Variants in RAB11FIP4 observed in about 807,000 individuals in gnomAD.
RAB11FIP4 encodes the protein rab11 family-interacting protein 4.
Under a neutral mutation model 74.3 loss-of-function variants are expected in RAB11FIP4, and 23 were observed. The observed-to-expected ratio is 0.31, with a 90% CI of 0.22 to 0.44. The LOEUF is 0.44. Among genes scored for constraint, RAB11FIP4 ranks in the 20% least tolerant of loss-of-function variants. The pLI is 1.00. For missense variants in RAB11FIP4, 630 were observed against 863.9 expected, an observed-to-expected ratio of 0.73 and a Z score of 3.39; for synonymous variants, 360 against 359.9, an observed-to-expected ratio of 1.00 and a Z score of 0.00.
chr17:31,471,967 C>T (rs1279121517), intron 3 of RAB11FIP4, among the ~76,000 whole-genome samples: 2 of 151,982 alleles, frequency 1.3e-5, no homozygotes, highest in East Asian at 3.9e-4. Context: ...TTGAGACCAT[C>T]CCGGCCAACA....
At chr17:31,424,981 T>C (rs1468576854) in intron 1 of RAB11FIP4, among the ~76,000 whole-genome samples, 1 of 152,228 alleles carries the variant, frequency 6.6e-6, no homozygotes, top group African/African-American at 2.4e-5. Context: ...CTTTCTCTGG[T>C]CAGAGCAAGC....
intron 3 of RAB11FIP4, among the ~76,000 whole-genome samples, chr17:31,509,764 T>C (rs2072418289): frequency 2.0e-5 from 3 of 152,262 alleles, no homozygotes; most frequent in South Asian, 4.1e-4. Flanking sequence ...CCTCGTGACC[T>C]GGCGACCTGG....
chr17:31,523,821 C>T lies in RAB11FIP4; in HGVS notation c.1030-72C>T, dbSNP rs1340681066. On this transcript the variant is annotated intron_variant, in intron 8 of 14. Transcript: ENST00000621161. ...TGGTTTGGAGGTCCTGCTCATGAAC[C>T]TCATGGCGTCGAGGTTCTCGGTTCT... 3 of 1,223,928 alleles carry T rather than the reference C, an allele frequency of 2.5e-6. No homozygotes were observed. The African/African-American group carries it at 4.5e-5, about 18-fold the overall frequency. 75.8% of individuals were successfully genotyped at this position (1,223,928 alleles called of 1,614,324 possible). A position where few individuals can be genotyped will look rare whatever the true frequency, so the allele number is the denominator to read the frequency against.
intron 3 of RAB11FIP4, among the ~76,000 whole-genome samples, chr17:31,474,974 C>T (rs917572444): frequency 6.6e-6 from 1 of 152,042 alleles, no homozygotes; most frequent in Non-Finnish European, 1.5e-5. Flanking sequence ...TCATTTCAAC[C>T]GCTGTGGTGT....
chr17:31,405,417 T>A (rs544315161), intron 1 of RAB11FIP4, among the ~76,000 whole-genome samples: 1 of 152,138 alleles, frequency 6.6e-6, no homozygotes, highest in Non-Finnish European at 1.5e-5. Flanking sequence ...TCGCCCAGGC[T>A]GGAGTGCAGT....
At chr17:31,439,839 G>A (rs1299588905) in intron 3 of RAB11FIP4, among the ~76,000 whole-genome samples, 2 of 152,120 alleles carry the variant, frequency 1.3e-5, no homozygotes, top group Non-Finnish European at 2.9e-5. Context: ...GGTTTTGCAT[G>A]TTGCTCAGGC....
intron 3 of RAB11FIP4, among the ~76,000 whole-genome samples, chr17:31,511,193 A>G (rs894509424): frequency 7.9e-5 from 12 of 152,164 alleles, no homozygotes; most frequent in African/African-American, 1.9e-4. Context: ...TGCAGAGCTC[A>G]TGAATGGTGA....
In RAB11FIP4 at chr17:31,528,600, C is replaced by A; in HGVS notation, c.1495-20C>A. 4.3e-6 allele frequency: 7 copies of A among 1,613,366 alleles called. No individual in the cohort carries two copies. Among genetic ancestry groups the A allele is most frequent in the South Asian group, 1.1e-5 (1 of 91,054 alleles). On this transcript the variant is annotated intron_variant, in intron 12 of 14. Transcript: ENST00000621161. Reference sequence around the variant, plus strand: ...CTTCCAGCATCCCTGCTCCTGCCAACCTGCTTCTCTCCCTCGCAGCTCATC... The same window carrying A: ...CTTCCAGCATCCCTGCTCCTGCCAAACTGCTTCTCTCCCTCGCAGCTCATC...
intron 4 of RAB11FIP4, among the ~76,000 whole-genome samples, chr17:31,519,502 T>C (rs1271331955): frequency 1.3e-5 from 2 of 152,120 alleles, no homozygotes; most frequent in Non-Finnish European, 2.9e-5. Flanking sequence ...ACCAAGTCTC[T>C]CGAGGGATAC....
chr17:31,407,242 T>A, intron 1 of RAB11FIP4, among the ~76,000 whole-genome samples: 1 of 151,648 alleles, frequency 6.6e-6, no homozygotes, highest in South Asian at 2.1e-4. Flanking sequence ...GAAATGGGGG[T>A]CTCACTATGT....
At chr17:31,481,259 A>G (rs1008828674) in intron 3 of RAB11FIP4, among the ~76,000 whole-genome samples, 1 of 152,098 alleles carries the variant, frequency 6.6e-6, no homozygotes, top group Non-Finnish European at 1.5e-5. Flanking sequence ...CCTGGCTTCC[A>G]CCGTGACATT....
chr17:31,526,364 G>C (rs985748048), intron 10 of RAB11FIP4: 13 of 152,146 alleles, frequency 8.5e-5, no homozygotes, highest in African/African-American at 3.1e-4. Flanking sequence ...CTCCGGGGGC[G>C]CCATTCGTGT....
At position 31,488,059 on chromosome 17, in the gene RAB11FIP4, G is replaced by A. The variant is rs1015889006; in HGVS notation, c.337-29592G>A. Reference sequence around the variant, plus strand: ...CGCAGCTTGATACAAAGAGCCCTTCGGCCCACGCGGGTCTCCCGGCAACGG... The same window carrying A: ...CGCAGCTTGATACAAAGAGCCCTTCAGCCCACGCGGGTCTCCCGGCAACGG... On this transcript the variant is annotated intron_variant, in intron 3 of 14. Coordinates refer to ENST00000621161, the MANE Select transcript of RAB11FIP4 (RefSeq NM_032932.6). The A allele has an allele frequency of 1.2e-5, 12 of 1,015,488 alleles. No individual in the cohort carries two copies. The African/African-American group carries it at 1.6e-4, about 13-fold the overall frequency. 62.9% of individuals were successfully genotyped at this position (1,015,488 alleles called of 1,614,324 possible).
chr17:31,461,352 G>A (rs560519403), intron 3 of RAB11FIP4, among the ~76,000 whole-genome samples: 26 of 152,224 alleles, frequency 1.7e-4, no homozygotes, highest in East Asian at 5.8e-4. Flanking sequence ...CCATCACCAC[G>A]ATACCAGGCA....
At chr17:31,486,878 G>C (rs993210259) in intron 3 of RAB11FIP4, among the ~76,000 whole-genome samples, 30 of 152,220 alleles carry the variant, frequency 2.0e-4, no homozygotes, top group African/African-American at 7.2e-4. Flanking sequence ...GGTAAACATA[G>C]GGGCCGCTGC....
In RAB11FIP4 at chr17:31,391,820, G is replaced by A. The variant is rs1166284765; in HGVS notation, c.-33G>A. 4.0e-6 allele frequency: 4 copies of A among 990,526 alleles called. No individual in the cohort carries two copies. In the East Asian group the frequency reaches 3.2e-4, roughly 80 times the overall value. 61.4% of individuals were successfully genotyped at this position (990,526 alleles called of 1,614,324 possible). Reference sequence around the variant, plus strand: ...CGGGCAGGCGGCGGGCGCGGCGGGCGAGGGGTCCGGGCTGAGCTGCGGGCC... The same window carrying A: ...CGGGCAGGCGGCGGGCGCGGCGGGCAAGGGGTCCGGGCTGAGCTGCGGGCC... On this transcript the variant is annotated 5_prime_UTR_variant, in exon 1 of 15. Coordinates refer to ENST00000621161, the MANE Select transcript of RAB11FIP4 (RefSeq NM_032932.6).
At chr17:31,409,149 G>A (rs1433817129) in intron 1 of RAB11FIP4, among the ~76,000 whole-genome samples, 2 of 152,160 alleles carry the variant, frequency 1.3e-5, no homozygotes, top group African/African-American at 4.8e-5. Context: ...GTAAGGGATG[G>A]TGGAGGCAGG....
intron 3 of RAB11FIP4, among the ~76,000 whole-genome samples, chr17:31,437,691 G>A (rs922617591): frequency 6.6e-6 from 1 of 152,186 alleles, no homozygotes; most frequent in Non-Finnish European, 1.5e-5. Flanking sequence ...CTTAACCACT[G>A]GATGTGGCTC....
At chr17:31,521,477 T>C in intron 5 of RAB11FIP4, 117 bp downstream of exon 5, 1 of 912,350 alleles carries the variant, frequency 1.1e-6, no homozygotes, top group South Asian at 1.9e-5. Context: ...TGTCCTCAGC[T>C]ACTTGAGTTC....
Sources: gnomAD v4.1 joint callset for allele counts (sites outside exome capture counted in the v4.1 genomes callset) on GRCh38, gnomAD v4.1.1 for gene constraint, MANE v1.5 for transcripts, NCBI Gene and HGNC (gene_info 2026-07-23, HGNC 2026-07-21) for gene names.